The following SOX6 variants were observed in gnomAD, a reference collection of about 807,000 sequenced individuals.
SOX6 encodes the protein transcription factor SOX-6.
SOX6 carries 11 observed loss-of-function variants against 97.8 expected under a neutral mutation model. The observed-to-expected ratio is 0.11, with a 90% CI of 0.07 to 0.19. SOX6 has a LOEUF of 0.19. Ranked by LOEUF, SOX6 falls within the 10% of genes least tolerant of loss-of-function variation. SOX6 has a pLI of 1.00. For missense variants in SOX6, 810 were observed against 1,039.5 expected (o/e 0.78, Z 3.04); for synonymous variants, 360 against 371.4 (o/e 0.97, Z 0.35).
intron 8 of SOX6, among the ~76,000 whole-genome samples, chr11:16,096,447 A>G (rs1385102261): frequency 6.6e-6 from 1 of 151,802 alleles, no homozygotes; most frequent in Non-Finnish European, 1.5e-5. Flanking sequence ...TGAAAGGTGA[A>G]GGTTTGCAAG....
chr11:16,063,896 C>G (rs2133932847), intron 9 of SOX6, among the ~76,000 whole-genome samples: 1 of 151,590 alleles, frequency 6.6e-6, no homozygotes, highest in South Asian at 2.1e-4. Context: ...ATAAGCTACA[C>G]AGTGAACCAC....
At chr11:16,225,253 A>G (rs1852652468) in intron 4 of SOX6, among the ~76,000 whole-genome samples, 1 of 152,060 alleles carries the variant, frequency 6.6e-6, no homozygotes. Context: ...GCTATTAAAA[A>G]TTTTATCAGA....
At chr11:16,374,252 GAAACCTGTA>G (rs779342944) in intron 1 of SOX6, among the ~76,000 whole-genome samples, 32 of 151,908 alleles carry the variant, frequency 2.1e-4, no homozygotes, top group Non-Finnish European at 1.3e-4. Context: ...AAAAAATAAG[GAAACCTGTA>G]AAACCTATTC....
intron 3 of SOX6, among the ~76,000 whole-genome samples, chr11:16,701,132 T>C (rs537547762): frequency 1.3e-5 from 2 of 152,202 alleles, no homozygotes; most frequent in African/African-American, 2.4e-5. Flanking sequence ...AGGACTATAA[T>C]CATTACCATT....
At chr11:16,601,648 T>C (rs1848271289) in intron 4 of SOX6, among the ~76,000 whole-genome samples, 1 of 152,128 alleles carries the variant, frequency 6.6e-6, no homozygotes, top group African/African-American at 2.4e-5. Context: ...ATTATCTTTT[T>C]CAAAAGAAAT....
chr11:16,353,753 G>A (rs539215055), intron 1 of SOX6, among the ~76,000 whole-genome samples: 2 of 151,942 alleles, frequency 1.3e-5, no homozygotes, highest in African/African-American at 2.4e-5. Context: ...CATACTTAAG[G>A]GATTCTTTAC....
intron 1 of SOX6, among the ~76,000 whole-genome samples, chr11:16,384,819 C>A (rs1003409972): frequency 1.3e-5 from 2 of 151,972 alleles, no homozygotes; most frequent in Non-Finnish European, 2.9e-5. Context: ...AAAGAACATA[C>A]TGCTTTTTAT....
chr11:16,563,550 A>T (rs1209678422), intron 4 of SOX6, among the ~76,000 whole-genome samples: 1 of 152,200 alleles, frequency 6.6e-6, no homozygotes, highest in Non-Finnish European at 1.5e-5. Flanking sequence ...GAACAATAGA[A>T]TATATCCAAT....
At chr11:16,053,672 A>C (rs1229177605) in intron 10 of SOX6, among the ~76,000 whole-genome samples, 1 of 152,178 alleles carries the variant, frequency 6.6e-6, no homozygotes, top group African/African-American at 2.4e-5. Context: ...TCTGATGTTG[A>C]CAGTTATAGT....
intron 3 of SOX6, among the ~76,000 whole-genome samples, chr11:16,271,659 A>G (rs901891477): frequency 1.3e-5 from 2 of 151,592 alleles, no homozygotes; most frequent in Admixed American, 6.6e-5. Flanking sequence ...AAATGTAAAA[A>G]GTGGGATCTT....
At chr11:16,058,457 G>A (rs533982493) in intron 9 of SOX6, among the ~76,000 whole-genome samples, 73 of 152,132 alleles carry the variant, frequency 4.8e-4, no homozygotes, top group African/African-American at 1.5e-3. Flanking sequence ...TAACAGCAAC[G>A]TTCTAAAAAG....
intron 9 of SOX6, among the ~76,000 whole-genome samples, chr11:16,094,119 TG>T (rs1251722000): frequency 6.6e-6 from 1 of 151,962 alleles, no homozygotes; most frequent in East Asian, 1.9e-4. Flanking sequence ...TGCAAAGCTA[TG>T]AAGGCTCTTG....
rs879426922 is a variant in SOX6, at chr11:16,336,474, A to G, written c.237+4538T>C. On this transcript the variant is annotated intron_variant, in intron 2 of 15. Coordinates refer to ENST00000683767, the MANE Select transcript of SOX6 (RefSeq NM_001367873.1). The stretch of plus-strand genomic sequence containing the variant: ...CTTCAGAATCTCTGAGAACTCTTCA[A>G]TGAATAACCTCCCTAACTGTTCACT... 3.9e-5 allele frequency among the ~76,000 whole-genome samples: 6 copies of G among 152,108 alleles called. 1 individual carries two copies. Among genetic ancestry groups the G allele is most frequent in the Admixed American group, 3.9e-4 (6 of 15,256 alleles).
intron 15 of SOX6, among the ~76,000 whole-genome samples, chr11:15,974,378 C>CTCTT (rs761914801): frequency 2.3e-5 from 2 of 85,658 alleles, no homozygotes; most frequent in Non-Finnish European, 2.0e-5. Context: ...TTAGCTCTCT[C>CTCTT]TTTTTTTTTT....
intron 14 of SOX6, 117 bp from the exon 15 acceptor site, chr11:15,986,537 C>T (rs1853846192): frequency 2.2e-6 from 2 of 893,476 alleles, no homozygotes; most frequent in Non-Finnish European, 3.6e-6. Flanking sequence ...GGCTCCAATT[C>T]CCACATACCA....
chr11:16,513,935 A>G (rs972116666), intron 4 of SOX6, among the ~76,000 whole-genome samples: 6 of 151,702 alleles, frequency 4.0e-5, no homozygotes, highest in Non-Finnish European at 5.9e-5. Flanking sequence ...AAGACTGCAA[A>G]CTGTTGGGAT....
At chr11:16,621,333 C>T (rs145762254) in intron 3 of SOX6, among the ~76,000 whole-genome samples, 106 of 152,156 alleles carry the variant, frequency 7.0e-4, no homozygotes, top group African/African-American at 2.5e-3. Context: ...GGTGTGGGTG[C>T]TAAGATATAA....
intron 2 of SOX6, chr11:16,714,988 C>A (rs577744621): frequency 2.4e-4 from 37 of 152,252 alleles, no homozygotes; most frequent in Admixed American, 6.5e-4. Context: ...CTGTGTCAAA[C>A]ATAGATAAAT....
intron 2 of SOX6, among the ~76,000 whole-genome samples, chr11:16,333,591 A>G (rs1856375938): frequency 6.6e-6 from 1 of 151,962 alleles, no homozygotes; most frequent in Admixed American, 6.6e-5. Context: ...CTTTAATAAA[A>G]GGTTTATTTA....
Sources: allele counts gnomAD v4.1 joint callset (sites outside exome capture counted in the v4.1 genomes callset), GRCh38; gene constraint gnomAD v4.1.1; transcripts MANE v1.5; gene names NCBI Gene and HGNC (gene_info 2026-07-23, HGNC 2026-07-21).